USP13: variants seen among roughly 807,000 people sequenced by gnomAD.
USP13 encodes ubiquitin specific peptidase 13, also known as ubiquitin carboxyl-terminal hydrolase 13.
A neutral mutation model predicts 107.8 loss-of-function variants in USP13; 68 were observed. The ratio of observed to expected loss-of-function variants is 0.63; its 90% CI spans 0.52 to 0.77. The LOEUF (loss-of-function observed/expected upper bound fraction) is 0.77, where lower values mean the gene tolerates loss of function less well. USP13 is among the 30% of genes least tolerant of loss of function. The pLI, the probability that USP13 is intolerant of heterozygous loss-of-function variation, is 0.00. For missense variants in USP13, 945 were observed against 1,093.3 expected (o/e 0.86, Z 1.91); for synonymous variants, 377 against 389.5 (o/e 0.97, Z 0.38).
chr3:179,779,329 C>T (rs951333317), intron 19 of USP13, among the ~76,000 whole-genome samples: 17 of 151,876 alleles, frequency 1.1e-4, no homozygotes, highest in Admixed American at 4.6e-4. Context: ...GTCAGGAGAT[C>T]GAGACCATCC....
intron 17 of USP13, 62 bp downstream of exon 17, chr3:179,761,317 C>A: frequency 1.3e-6 from 2 of 1,590,470 alleles, no homozygotes; most frequent in African/African-American, 1.3e-5. Flanking sequence ...ATGCTGAGTC[C>A]TGGTCCTTCC....
At chr3:179,685,334 C>A (rs1385243386) in intron 2 of USP13, among the ~76,000 whole-genome samples, 1 of 151,840 alleles carries the variant, frequency 6.6e-6, no homozygotes, top group African/African-American at 2.4e-5. Flanking sequence ...ATAGTTTGTG[C>A]ACGATTTTGG....
rs1248576748 is a variant in USP13, at chr3:179,719,959, A to T, written c.825A>T (p.Glu275Asp). ...CGCTAGATGTTTATTCTTTTCAAGA[A>T]GAAGAACCTGTTTTGGATCCTCATT... ...PDGADVYSFQ[E>D]EEPVLDPHLA... The change falls in exon 7 of 21, where the codon GAA (glutamate) becomes GAT (aspartate). Residue 275 changes from glutamate (E) to aspartate (D), a missense_variant. Coordinates refer to ENST00000263966, the MANE Select transcript of USP13 (RefSeq NM_003940.3). 1 of 1,614,010 alleles carries T rather than the reference A, an allele frequency of 6.2e-7. No individual in the cohort carries two copies. Among genetic ancestry groups the T allele is most frequent in the South Asian group, 1.1e-5 (1 of 91,042 alleles).
chr3:179,772,615 A>G (rs972755614), intron 19 of USP13, among the ~76,000 whole-genome samples: 1 of 152,232 alleles, frequency 6.6e-6, no homozygotes. Context: ...TAGACACTTC[A>G]TGCCACTGGT....
intron 18 of USP13, among the ~76,000 whole-genome samples, chr3:179,765,366 A>G (rs1190661190): frequency 6.6e-6 from 1 of 152,218 alleles, no homozygotes; most frequent in African/African-American, 2.4e-5. Flanking sequence ...CAAATGCCAT[A>G]CCCTTGGTTA....
At chr3:179,693,706 C>T (rs1712188108) in intron 3 of USP13, among the ~76,000 whole-genome samples, 1 of 152,110 alleles carries the variant, frequency 6.6e-6, no homozygotes, top group South Asian at 2.1e-4. Flanking sequence ...CGGAGTCTTG[C>T]TCTGTCACCC....
intron 1 of USP13, among the ~76,000 whole-genome samples, chr3:179,680,644 G>T (rs908971500): frequency 1.3e-5 from 2 of 152,056 alleles, no homozygotes; most frequent in Admixed American, 1.3e-4. Flanking sequence ...CCAGGTTCAA[G>T]CGATTCTCCT....
intron 8 of USP13, among the ~76,000 whole-genome samples, chr3:179,728,095 G>T (rs1230067195): frequency 2.4e-5 from 2 of 81,706 alleles, no homozygotes; most frequent in Admixed American, 1.4e-4. Flanking sequence ...CCTCCCTCCC[G>T]GACGGGGCAG....
intron 3 of USP13, among the ~76,000 whole-genome samples, chr3:179,691,192 A>G (rs1413512522): frequency 1.3e-5 from 2 of 150,158 alleles, no homozygotes; most frequent in African/African-American, 4.9e-5. Flanking sequence ...AAAGAAGTCA[A>G]TTTTTTTCTT....
chr3:179,696,624 G>A (rs1167657850), intron 3 of USP13, among the ~76,000 whole-genome samples: 1 of 152,108 alleles, frequency 6.6e-6, no homozygotes, highest in East Asian at 1.9e-4. Flanking sequence ...GAGCCACTGC[G>A]CCTGGCCAGG....
rs1425474967 is a variant in USP13 at position 179,696,769 on chromosome 3, T to C, written c.356-4239T>C. ...AAGATAACTTGGAAAAATATGAAAG[T>C]TGGTGAGTTTGGGGTATAAGCTGAT... is the stretch of plus-strand genomic sequence containing the variant. On this transcript the variant is annotated intron_variant, in intron 3 of 20. Coordinates refer to ENST00000263966, the MANE Select transcript of USP13 (RefSeq NM_003940.3). Among the ~76,000 whole-genome samples, 79 of 152,006 alleles carry C rather than the reference T, an allele frequency of 5.2e-4. 1 individual carries two copies.
intron 1 of USP13, among the ~76,000 whole-genome samples, chr3:179,677,573 T>G (rs950324066): frequency 6.6e-6 from 1 of 151,632 alleles, no homozygotes; most frequent in African/African-American, 2.4e-5. Flanking sequence ...AGAACAAAAT[T>G]CAATGAGAAA....
intron 1 of USP13, among the ~76,000 whole-genome samples, chr3:179,661,344 T>C (rs577975440): frequency 6.6e-6 from 1 of 152,326 alleles, no homozygotes; most frequent in South Asian, 2.1e-4. Context: ...CAACCATAGA[T>C]GTCATATGTT....
rs1385217162 is a variant in USP13 at position 179,721,925 on chromosome 3, C to T, written c.1088+336C>T. On this transcript the variant is annotated intron_variant, in intron 8 of 20. Coordinates refer to ENST00000263966, the MANE Select transcript of USP13 (RefSeq NM_003940.3). The surrounding 1 kb of genome is among the most constrained non-coding windows in gnomAD (Gnocchi z 4.3). ...CTCTACTAAAAATACAAAAATTAGC[C>T]AGGGGTGGTGGTGCACGCCTGTAAT... 6.6e-6 allele frequency among the ~76,000 whole-genome samples: 1 copy of T among 151,906 alleles called. No individual in the cohort carries two copies. Among genetic ancestry groups the T allele is most frequent in the Non-Finnish European group, 1.5e-5 (1 of 67,976 alleles).
chr3:179,785,331 A>T lies in USP13; in HGVS notation c.*1190A>T, dbSNP rs1715889042. 6.6e-6 allele frequency: 1 copy of T among 152,138 alleles called. No individual in the cohort carries two copies. 9.4% of individuals were successfully genotyped at this position (152,138 alleles called of 1,614,324 possible). On this transcript the variant is annotated 3_prime_UTR_variant, in exon 21 of 21. Coordinates refer to ENST00000263966, the MANE Select transcript of USP13 (RefSeq NM_003940.3). ...TGACCAACAGTGTGATCTTGGACAC[A>T]CTAAGGATTTTAGATGCAAAGAAAC...
Position 179,721,187 on chromosome 3 carries a change from T to C in USP13, c.901-215T>C, listed in dbSNP as rs948275327. 2.0e-5 allele frequency among the ~76,000 whole-genome samples: 3 copies of C among 152,202 alleles called. No individual in the cohort carries two copies. Among genetic ancestry groups the C allele is most frequent in the Non-Finnish European group, 4.4e-5 (3 of 68,048 alleles). On this transcript the variant is annotated intron_variant, in intron 7 of 20. Coordinates refer to ENST00000263966, the MANE Select transcript of USP13 (RefSeq NM_003940.3). This position sits in a 1 kb window ranked among gnomAD's most constrained non-coding sequence, Gnocchi z 4.3. ...AATATAAAAGCTACCATTTTAACTG[T>C]TTTTAAGCGTGCAGTTCTCTGGCAT...
At chr3:179,752,753 A>G (rs1322918536) in intron 14 of USP13, among the ~76,000 whole-genome samples, 1 of 152,222 alleles carries the variant, frequency 6.6e-6, no homozygotes, top group Non-Finnish European at 1.5e-5. Flanking sequence ...CTCCCACGTG[A>G]TGCTGATGCT....
In USP13 at chr3:179,750,304, G is replaced by GTATATATATATATATATATGTGTGTA. The variant is rs61032635; in HGVS notation, c.1710-1964_1710-1963insATGTGTGTATATATATATATATATAT. ...TAATAATAAATATATATATGTGTGT[G>GTATATATATATATATATATGTGTGTA]TATATATATATATATATGTGTGTAT... On this transcript the variant is annotated intron_variant, in intron 13 of 20. Transcript: ENST00000263966. Among the ~76,000 whole-genome samples the GTATATATATATATATATATGTGTGTA allele has an allele frequency of 1.4e-4, 16 of 113,530 alleles. No individual in the cohort carries two copies. In the East Asian group the frequency reaches 3.3e-3, roughly 24 times the overall value. 74.5% of individuals were successfully genotyped at this position (113,530 alleles called of 152,430 possible).
intron 8 of USP13, among the ~76,000 whole-genome samples, chr3:179,729,408 T>C (rs921803115): frequency 2.6e-5 from 4 of 152,180 alleles, no homozygotes; most frequent in African/African-American, 9.7e-5. Flanking sequence ...AAGCAGAGGC[T>C]TCAGAGGAGC....
Sources: gnomAD v4.1 joint callset for allele counts (sites outside exome capture counted in the v4.1 genomes callset) on GRCh38, gnomAD v4.1.1 for gene constraint, Gnocchi (gnomAD v3.1) non-coding constraint, MANE v1.5 for transcripts, NCBI Gene and HGNC (gene_info 2026-07-23, HGNC 2026-07-21) for gene names.